Variants in OLFM3 observed in about 807,000 individuals in gnomAD.
OLFM3 encodes olfactomedin 3.
A neutral mutation model predicts 48.6 loss-of-function variants in OLFM3; 20 were observed. That is an observed-to-expected ratio of 0.41 (90% CI 0.29 to 0.60). The LOEUF (loss-of-function observed/expected upper bound fraction) is 0.60, where lower values mean the gene tolerates loss of function less well. Among genes scored for constraint, OLFM3 ranks in the 20% least tolerant of loss-of-function variants. The probability of loss-of-function intolerance (pLI) is 0.28; values close to 1 mark genes in which losing one functional copy is unlikely to be tolerated. For missense variants in OLFM3, 437 were observed against 544.3 expected (o/e 0.80, Z 1.96); for synonymous variants, 222 against 198.1 (o/e 1.12, Z -1.01).
At chr1:101,886,150 G>GAAA (rs1657751200) in intron 1 of OLFM3, among the ~76,000 whole-genome samples, 2 of 152,048 alleles carry the variant, frequency 1.3e-5, no homozygotes, top group South Asian at 4.1e-4. Flanking sequence ...AAAATTTTGA[G>GAAA]TTTTTCCTTT....
At chr1:101,837,470 C>G (rs1262580871) in intron 1 of OLFM3, among the ~76,000 whole-genome samples, 1 of 152,178 alleles carries the variant, frequency 6.6e-6, no homozygotes, top group East Asian at 1.9e-4. Context: ...AGTCCTGTTT[C>G]AAGGAGGTTT....
At chr1:101,905,494 A>C (rs558881272) in intron 1 of OLFM3, among the ~76,000 whole-genome samples, 1 of 152,210 alleles carries the variant, frequency 6.6e-6, no homozygotes, top group South Asian at 2.1e-4. Context: ...TCTACTTTAG[A>C]TCTATTTACT....
intron 1 of OLFM3, among the ~76,000 whole-genome samples, chr1:101,991,943 T>C (rs1661424081): frequency 6.6e-6 from 1 of 152,024 alleles, no homozygotes; most frequent in Admixed American, 6.6e-5. Context: ...TATTACTAAC[T>C]AGACCCTACA....
chr1:101,949,855 G>T (rs371523241), intron 1 of OLFM3, among the ~76,000 whole-genome samples: 1 of 151,320 alleles, frequency 6.6e-6, no homozygotes, highest in Non-Finnish European at 1.5e-5. Flanking sequence ...GCGTAAACCC[G>T]GGAGGCGGAG....
intron 1 of OLFM3, among the ~76,000 whole-genome samples, chr1:101,990,976 C>A (rs1459876278): frequency 1.1e-5 from 1 of 90,328 alleles, no homozygotes; most frequent in Non-Finnish European, 2.0e-5. Flanking sequence ...CAGAGCGAGA[C>A]TCTGTCAAAA....
intron 2 of OLFM3, among the ~76,000 whole-genome samples, chr1:101,835,892 C>T (rs999811453): frequency 2.0e-5 from 3 of 152,170 alleles, no homozygotes; most frequent in Non-Finnish European, 4.4e-5. Flanking sequence ...AACTTATTTT[C>T]ACTATGTAGC....
chr1:101,926,638 G>A (rs930414311), intron 1 of OLFM3, among the ~76,000 whole-genome samples: 1 of 152,182 alleles, frequency 6.6e-6, no homozygotes, highest in Non-Finnish European at 1.5e-5. Context: ...AACTGGCATA[G>A]TGGAATTTTT....
chr1:101,950,443 CT>C (rs71088115), intron 1 of OLFM3, among the ~76,000 whole-genome samples: 51 of 144,626 alleles, frequency 3.5e-4, no homozygotes, highest in Non-Finnish European at 3.6e-4. Flanking sequence ...TGCTTTCTTT[CT>C]TTTTTTTTTT....
chr1:101,858,917 T>C (rs1282604586), intron 1 of OLFM3, among the ~76,000 whole-genome samples: 1 of 152,088 alleles, frequency 6.6e-6, no homozygotes, highest in Non-Finnish European at 1.5e-5. Context: ...CTGTTAGTGA[T>C]TAATTCCATT....
chr1:101,987,935 G>A (rs1469792396), intron 1 of OLFM3, among the ~76,000 whole-genome samples: 1 of 151,926 alleles, frequency 6.6e-6, no homozygotes, highest in Non-Finnish European at 1.5e-5. Flanking sequence ...ATACTATTTA[G>A]AAGTTAAAAT....
intron 1 of OLFM3, among the ~76,000 whole-genome samples, chr1:101,841,640 A>G (rs1655725570): frequency 6.6e-6 from 1 of 152,240 alleles, no homozygotes. Flanking sequence ...ATATAGTCAG[A>G]TATTCCTGTG....
intron 1 of OLFM3, among the ~76,000 whole-genome samples, chr1:101,983,308 C>A (rs1305758170): frequency 1.3e-5 from 2 of 152,164 alleles, no homozygotes; most frequent in Admixed American, 6.5e-5. Flanking sequence ...GTCTAGTTAA[C>A]CTTTCTTTAA....
chr1:101,935,864 A>T lies in OLFM3; in HGVS notation c.69+60884T>A, dbSNP rs192787584. On this transcript the variant is annotated intron_variant, in intron 1 of 5. Coordinates refer to ENST00000370103, the MANE Select transcript of OLFM3 (RefSeq NM_058170.4). The stretch of plus-strand genomic sequence containing the variant: ...ATTCATCTCATAAATAGAATTTAAA[A>T]CAAAAACCACATGATCACCTTAATA... Among the ~76,000 whole-genome samples, 15 of 152,284 alleles carry T rather than the reference A, an allele frequency of 9.9e-5. No homozygotes were observed. In the East Asian group the frequency reaches 2.7e-3, roughly 27 times the overall value.
At chr1:101,861,170 T>A (rs908214854) in intron 1 of OLFM3, among the ~76,000 whole-genome samples, 5 of 152,002 alleles carry the variant, frequency 3.3e-5, no homozygotes, top group African/African-American at 1.2e-4. Context: ...CAAGCGATTC[T>A]CCTGCCTTGG....
intron 1 of OLFM3, among the ~76,000 whole-genome samples, chr1:101,918,675 T>C (rs1316843614): frequency 1.3e-5 from 2 of 151,986 alleles, no homozygotes; most frequent in Non-Finnish European, 1.5e-5. Context: ...CTGCAAAGTT[T>C]TTTTGTCCAT....
intron 3 of OLFM3, among the ~76,000 whole-genome samples, chr1:101,828,891 A>G (rs1412894037): frequency 6.6e-6 from 1 of 152,186 alleles, no homozygotes; most frequent in Non-Finnish European, 1.5e-5. Context: ...TCTAACCCTG[A>G]GAATTGAAAA....
intron 1 of OLFM3, among the ~76,000 whole-genome samples, chr1:101,912,639 A>G (rs908576466): frequency 1.3e-5 from 2 of 152,200 alleles, no homozygotes; most frequent in Non-Finnish European, 2.9e-5. Flanking sequence ...CAGGGAGAGA[A>G]AGAGAATCAT....
At chr1:101,949,656 C>T (rs1025980324) in intron 1 of OLFM3, among the ~76,000 whole-genome samples, 3 of 152,092 alleles carry the variant, frequency 2.0e-5, no homozygotes, top group South Asian at 2.1e-4. Context: ...TACGGCCTGG[C>T]GCGGTGGCTC....
At chr1:101,908,215 A>C (rs1240818342) in intron 1 of OLFM3, among the ~76,000 whole-genome samples, 2 of 152,202 alleles carry the variant, frequency 1.3e-5, no homozygotes, top group Non-Finnish European at 2.9e-5. Flanking sequence ...AAGTGATTTG[A>C]CCAGTAAAAT....
Sources: gnomAD v4.1 joint callset for allele counts (sites outside exome capture counted in the v4.1 genomes callset) on GRCh38, gnomAD v4.1.1 for gene constraint, MANE v1.5 for transcripts, NCBI Gene and HGNC (gene_info 2026-07-23, HGNC 2026-07-21) for gene names.